Variants in UMAD1 observed in about 807,000 individuals in gnomAD.
UMAD1 encodes the protein UBAP1-MVB12-associated (UMA) domain containing 1.
Under a neutral mutation model 6.1 loss-of-function variants are expected in UMAD1, and 8 were observed. That is an observed-to-expected ratio of 1.30 (90% CI 0.76 to 2.35). UMAD1 has a LOEUF of 2.35. Among genes scored for constraint, UMAD1 ranks in the 30% most tolerant of loss-of-function variants. The pLI is 0.00. For synonymous variants in UMAD1, 56 were observed against 31.4 expected (o/e 1.78, Z -2.61); for missense variants, 130 against 78.4 (o/e 1.66, Z -2.49).
At chr7:7,815,913 A>G (rs559223919) in intron 3 of UMAD1, among the ~76,000 whole-genome samples, 6 of 152,304 alleles carry the variant, frequency 3.9e-5, no homozygotes, top group Admixed American at 3.9e-4. Context: ...CCAACAATAG[A>G]TATCAGTGGA....
In UMAD1 at chr7:7,830,233, T is replaced by C. The variant is rs2115304104; in HGVS notation, c.156+28490T>C. The stretch of plus-strand genomic sequence containing the variant: ...GTGCTGGAATCAACTTGCCATTTCC[T>C]AAACATGCGTTGTAATCACACGGCT... On this transcript the variant is annotated intron_variant, in intron 3 of 3. Transcript: ENST00000682710. The surrounding 1 kb of genome is among the most constrained non-coding windows in gnomAD (Gnocchi z 5.3). Among the ~76,000 whole-genome samples, 1 of 152,284 alleles carries C rather than the reference T, an allele frequency of 6.6e-6. No homozygotes were observed. The highest frequency in any genetic ancestry group is 1.9e-4 in the East Asian group (1 of 5,164).
At chr7:7,716,998 C>T (rs1374421445) in intron 2 of UMAD1, among the ~76,000 whole-genome samples, 1 of 152,064 alleles carries the variant, frequency 6.6e-6, no homozygotes, top group African/African-American at 2.4e-5. Flanking sequence ...CCGTTCGGGA[C>T]CCCTTCCTCT....
intron 2 of UMAD1, among the ~76,000 whole-genome samples, chr7:7,800,799 A>G (rs1186143044): frequency 6.6e-6 from 1 of 152,202 alleles, no homozygotes; most frequent in Admixed American, 6.5e-5. Context: ...TTACATTAAC[A>G]AATTTCTAAC....
rs574696063 is a variant in UMAD1 at position 7,721,420 on chromosome 7, G to A, written c.82+47967G>A. ...CTACTTTAAATGTTAAGGCACCTGC[G>A]TGAAAACCACACTACTGCTGCATAA... On this transcript the variant is annotated intron_variant, in intron 2 of 3. Coordinates refer to ENST00000682710, the MANE Select transcript of UMAD1 (RefSeq NM_001302348.2). Among the ~76,000 whole-genome samples, 69 of 152,260 alleles carry A rather than the reference G, an allele frequency of 4.5e-4. 1 individual carries two copies. Among genetic ancestry groups the A allele is most frequent in the East Asian group, 1.2e-3 (6 of 5,186 alleles).
At chr7:7,795,062 T>C (rs6957920) in intron 2 of UMAD1, among the ~76,000 whole-genome samples, 307 of 152,326 alleles carry the variant, frequency 2.0e-3, no homozygotes, top group African/African-American at 6.9e-3. Context: ...AACCCCTACT[T>C]TGAGATATCC....
At chr7:7,758,166 C>T (rs1781815789) in intron 2 of UMAD1, among the ~76,000 whole-genome samples, 1 of 152,042 alleles carries the variant, frequency 6.6e-6, no homozygotes, top group African/African-American at 2.4e-5. Context: ...TGCCAAGCCT[C>T]CCAGTGTGCT....
chr7:7,696,179 T>A (rs1467116160), intron 2 of UMAD1, among the ~76,000 whole-genome samples: 2 of 151,758 alleles, frequency 1.3e-5, no homozygotes, highest in African/African-American at 2.4e-5. Flanking sequence ...CTAATTTTTT[T>A]ATTTTTTGTA....
intron 2 of UMAD1, among the ~76,000 whole-genome samples, chr7:7,729,616 T>C (rs1407953599): frequency 6.6e-6 from 1 of 152,170 alleles, no homozygotes; most frequent in Non-Finnish European, 1.5e-5. Flanking sequence ...CCAGACTTCA[T>C]AGAGCCCTTT....
chr7:7,799,579 G>A (rs62434089), intron 2 of UMAD1, among the ~76,000 whole-genome samples: 9,361 of 152,266 alleles, frequency 0.061, 382 homozygotes, highest in Non-Finnish European at 0.087. Context: ...ATATTTCTTC[G>A]AGTAAAGGAC....
intron 2 of UMAD1, among the ~76,000 whole-genome samples, chr7:7,725,136 G>A (rs987096248): frequency 6.6e-5 from 10 of 152,322 alleles, no homozygotes; most frequent in Middle Eastern, 3.4e-3. Context: ...TTCCTTCTAA[G>A]GTGAAGGATA....
intron 2 of UMAD1, among the ~76,000 whole-genome samples, chr7:7,708,383 A>G (rs1159507204): frequency 1.3e-5 from 2 of 152,196 alleles, no homozygotes; most frequent in East Asian, 3.8e-4. Flanking sequence ...GTAGAGAGAT[A>G]TATATTATAA....
intron 2 of UMAD1, among the ~76,000 whole-genome samples, chr7:7,762,657 C>T (rs1004552118): frequency 5.9e-5 from 9 of 152,072 alleles, no homozygotes; most frequent in Non-Finnish European, 8.8e-5. Flanking sequence ...CCAGGGCAGG[C>T]GATGACAAGG....
At chr7:7,728,883 A>G (rs1171605042) in intron 2 of UMAD1, among the ~76,000 whole-genome samples, 1 of 152,196 alleles carries the variant, frequency 6.6e-6, no homozygotes, top group Non-Finnish European at 1.5e-5. Flanking sequence ...GCTGGGCATT[A>G]GGAATGTATG....
intron 2 of UMAD1, among the ~76,000 whole-genome samples, chr7:7,781,229 G>T (rs535095013): frequency 6.6e-6 from 1 of 152,052 alleles, no homozygotes; most frequent in African/African-American, 2.4e-5. Flanking sequence ...TGAGTTTTCT[G>T]TGTCTTTGAT....
chr7:7,799,628 G>A (rs546835063), intron 2 of UMAD1, among the ~76,000 whole-genome samples: 13 of 152,228 alleles, frequency 8.5e-5, no homozygotes, highest in East Asian at 3.9e-4. Context: ...TAGAAACATC[G>A]TGCATGTGCA....
intron 1 of UMAD1, among the ~76,000 whole-genome samples, chr7:7,666,232 A>G (rs1779452541): frequency 6.6e-6 from 1 of 151,912 alleles, no homozygotes; most frequent in African/African-American, 2.4e-5. Context: ...ATAGGGTCTC[A>G]TAGCCCTGTC....
rs562819248 is a variant in UMAD1, at chr7:7,668,004, C to T, written c.-63-5305C>T. Among the ~76,000 whole-genome samples, 3 of 152,196 alleles carry T rather than the reference C, an allele frequency of 2.0e-5. No individual in the cohort carries two copies. The South Asian group carries it at 6.2e-4, about 32-fold the overall frequency. ...GTGCAGTGGCTCACTTTCACCCCCG[C>T]CTTCTGGGCTCAAGCAGTCCTCCAA... On this transcript the variant is annotated intron_variant, in intron 1 of 3. Transcript: ENST00000682710.
chr7:7,779,292 A>C (rs4725025), intron 2 of UMAD1, among the ~76,000 whole-genome samples: 2 of 149,364 alleles, frequency 1.3e-5, no homozygotes, highest in South Asian at 4.2e-4. Flanking sequence ...TCTTTTTTTT[A>C]AAAAGAGATA....
chr7:7,823,804 A>G lies in UMAD1; in HGVS notation c.156+22061A>G, dbSNP rs1418284123. Among the ~76,000 whole-genome samples the G allele has an allele frequency of 3.3e-5, 5 of 152,158 alleles. No individual in the cohort carries two copies. The East Asian group carries it at 9.6e-4, about 29-fold the overall frequency. ...ATCCCCTCTCCATTCCCTTTAGGTGAAAAATGCTTCCTTGTAAAGTGATAA... is the reference window on the plus strand; with the variant it reads ...ATCCCCTCTCCATTCCCTTTAGGTGGAAAATGCTTCCTTGTAAAGTGATAA... On this transcript the variant is annotated intron_variant, in intron 3 of 3. Coordinates refer to ENST00000682710, the MANE Select transcript of UMAD1 (RefSeq NM_001302348.2).
Sources: gnomAD v4.1 joint callset for allele counts (sites outside exome capture counted in the v4.1 genomes callset) on GRCh38, gnomAD v4.1.1 for gene constraint, Gnocchi (gnomAD v3.1) non-coding constraint, MANE v1.5 for transcripts, NCBI Gene and HGNC (gene_info 2026-07-23, HGNC 2026-07-21) for gene names.